SGIP1: variants seen among roughly 807,000 people sequenced by gnomAD.
SGIP1 encodes SH3-containing GRB2-like protein 3-interacting protein 1.
In SGIP1, 38 loss-of-function variants were observed where a neutral mutation model predicts 107.5. The observed-to-expected ratio is 0.35, with a 90% confidence interval of 0.27 to 0.46. The LOEUF (loss-of-function observed/expected upper bound fraction) is 0.46. Ranked by LOEUF, SGIP1 falls within the 20% of genes least tolerant of loss-of-function variation. SGIP1 has a pLI of 1.00. For synonymous variants in SGIP1, 365 were observed against 366.1 expected (o/e 1.00, Z 0.03); for missense variants, 929 against 1,019.5 (o/e 0.91, Z 1.21).
chr1:66,635,824 G>T, intron 3 of SGIP1, 120 bp from the exon 4 acceptor site: 1 of 975,840 alleles, frequency 1.0e-6, no homozygotes. Context: ...CGTATGATTT[G>T]GCCTAGAGAT....
At chr1:66,585,570 T>TTGTGTGTGTGTGTGTGTGTGTG (rs113981156) in intron 1 of SGIP1, among the ~76,000 whole-genome samples, 191 of 150,056 alleles carry the variant, frequency 1.3e-3, no homozygotes, top group African/African-American at 4.6e-3. Context: ...GCTTTGGAGT[T>TTGTGTGTGTGTGTGTGTGTGTG]TGTGTGTGTG....
chr1:66,709,317 G>A (rs1464711058), intron 18 of SGIP1, among the ~76,000 whole-genome samples: 1 of 151,912 alleles, frequency 6.6e-6, no homozygotes, highest in Non-Finnish European at 1.5e-5. Flanking sequence ...TGAAAAGCAT[G>A]TAGCAAGGAT....
At chr1:66,725,623 C>T (rs2093719966) in intron 19 of SGIP1, among the ~76,000 whole-genome samples, 1 of 152,122 alleles carries the variant, frequency 6.6e-6, no homozygotes, top group Non-Finnish European at 1.5e-5. Flanking sequence ...ACCAATTTAC[C>T]CTTCTACCTC....
chr1:66,719,734 T>A (rs1020640309), intron 19 of SGIP1, among the ~76,000 whole-genome samples: 1 of 152,164 alleles, frequency 6.6e-6, no homozygotes, highest in Non-Finnish European at 1.5e-5. Context: ...ATGAGGAAAT[T>A]TATTGTCTCA....
At position 66,644,479 on chromosome 1, in the gene SGIP1, T is replaced by C. The variant is rs185811379; in HGVS notation, c.459+760T>C. ...TTTCTCTGTTTGATAAATGCCACCA[T>C]TGTTTTCTAAAAATGGTTGTGAGGA... On this transcript the variant is annotated intron_variant, in intron 7 of 24. Transcript: ENST00000371037. 2.0e-3 allele frequency among the ~76,000 whole-genome samples: 304 copies of C among 152,284 alleles called. 1 individual carries two copies. Among genetic ancestry groups the C allele is most frequent in the African/African-American group, 6.5e-3 (270 of 41,556 alleles).
At chr1:66,557,178 G>A (rs914614876) in intron 1 of SGIP1, among the ~76,000 whole-genome samples, 1 of 152,088 alleles carries the variant, frequency 6.6e-6, no homozygotes, top group Non-Finnish European at 1.5e-5. Flanking sequence ...TTCTAGAGTA[G>A]TAATTATAAT....
intron 1 of SGIP1, among the ~76,000 whole-genome samples, chr1:66,582,643 T>C (rs2061985671): frequency 6.6e-6 from 1 of 152,004 alleles, no homozygotes; most frequent in East Asian, 1.9e-4. Context: ...ATAAACATCA[T>C]AATTATATTA....
intron 2 of SGIP1, among the ~76,000 whole-genome samples, chr1:66,630,871 GAAAGAAAGAAAGAAA>G (rs1558133664): frequency 1.2e-4 from 5 of 40,614 alleles, no homozygotes; most frequent in Non-Finnish European, 1.6e-4. Context: ...AAGAAAGAAA[GAAAGAAAGAAAGAAA>G]GAAAGAAAGA....
intron 18 of SGIP1, among the ~76,000 whole-genome samples, chr1:66,696,844 T>A (rs1490557862): frequency 6.6e-6 from 1 of 152,334 alleles, no homozygotes; most frequent in East Asian, 1.9e-4. Flanking sequence ...ACTTTCTCTT[T>A]GAATTAGATG....
chr1:66,636,757 G>T (rs756612775), intron 4 of SGIP1, among the ~76,000 whole-genome samples: 1 of 152,052 alleles, frequency 6.6e-6, no homozygotes. Flanking sequence ...CCTTTAACAC[G>T]CCCCACCCAA....
At chr1:66,589,427 A>G (rs2063259929) in intron 1 of SGIP1, among the ~76,000 whole-genome samples, 1 of 151,718 alleles carries the variant, frequency 6.6e-6, no homozygotes, top group Non-Finnish European at 1.5e-5. Context: ...AACAAAACAA[A>G]TTCCCTAAAT....
intron 21 of SGIP1, among the ~76,000 whole-genome samples, chr1:66,734,509 T>G (rs2094146441): frequency 6.6e-6 from 1 of 150,808 alleles, no homozygotes; most frequent in African/African-American, 2.4e-5. Context: ...TTTTTGGTTT[T>G]TTTTTTTTTT....
intron 18 of SGIP1, among the ~76,000 whole-genome samples, chr1:66,695,852 C>T (rs17129345): frequency 0.022 from 3,340 of 152,278 alleles, 124 homozygotes; most frequent in African/African-American, 0.077. Context: ...TGCAGTGCAA[C>T]AAATATAAGG....
intron 13 of SGIP1, among the ~76,000 whole-genome samples, chr1:66,678,896 G>A (rs183949242): frequency 2.6e-5 from 4 of 152,306 alleles, no homozygotes; most frequent in African/African-American, 4.8e-5. Flanking sequence ...TGAAATTAGT[G>A]TGAACTCTTT....
At chr1:66,561,349 G>A (rs1314945166) in intron 1 of SGIP1, among the ~76,000 whole-genome samples, 27 of 151,928 alleles carry the variant, frequency 1.8e-4, no homozygotes, top group African/African-American at 4.8e-5. Flanking sequence ...CATAGACTAA[G>A]GTGTTAAATG....
chr1:66,580,427 T>C (rs542847894), intron 1 of SGIP1, among the ~76,000 whole-genome samples: 1 of 152,258 alleles, frequency 6.6e-6, no homozygotes, highest in African/African-American at 2.4e-5. Context: ...ACCTAAAAAG[T>C]CTTTCTTGAG....
At chr1:66,544,621 G>A (rs2055903606) in intron 1 of SGIP1, among the ~76,000 whole-genome samples, 1 of 152,084 alleles carries the variant, frequency 6.6e-6, no homozygotes, top group Non-Finnish European at 1.5e-5. Flanking sequence ...CCTTGGAAGC[G>A]GAGGCTGCAG....
chr1:66,576,309 T>C (rs1289576115), intron 1 of SGIP1, among the ~76,000 whole-genome samples: 1 of 152,212 alleles, frequency 6.6e-6, no homozygotes, highest in East Asian at 1.9e-4. Flanking sequence ...TGTAACCATG[T>C]AGCTTCCCAT....
intron 1 of SGIP1, among the ~76,000 whole-genome samples, chr1:66,588,193 C>T (rs954861840): frequency 6.6e-6 from 1 of 151,998 alleles, no homozygotes; most frequent in African/African-American, 2.4e-5. Context: ...GGGAGATTGC[C>T]GGATCATCTT....
Sources: allele counts gnomAD v4.1 joint callset (sites outside exome capture counted in the v4.1 genomes callset), GRCh38; gene constraint gnomAD v4.1.1; transcripts MANE v1.5; gene names NCBI Gene and HGNC (gene_info 2026-07-23, HGNC 2026-07-21).